Variants in ZNF143 observed in about 807,000 individuals in gnomAD.
ZNF143 encodes the protein SPH-binding factor.
A neutral mutation model predicts 74.1 loss-of-function variants in ZNF143; 49 were observed. That is an observed-to-expected ratio of 0.66 (90% confidence interval 0.53 to 0.84). The LOEUF (loss-of-function observed/expected upper bound fraction) is 0.84, where lower values mean the gene tolerates loss of function less well. ZNF143 is among the 40% of genes least tolerant of loss of function. The pLI is 0.00. For synonymous variants in ZNF143, 304 were observed against 282.8 expected (o/e 1.07, Z -0.75); for missense variants, 637 against 793.4 (o/e 0.80, Z 2.37).
At chr11:9,516,858 C>A (rs774196503) in intron 14 of ZNF143, among the ~76,000 whole-genome samples, 8 of 152,138 alleles carry the variant, frequency 5.3e-5, no homozygotes, top group African/African-American at 1.9e-4. Flanking sequence ...AGTCATTAAG[C>A]ATATACAAAC....
Position 9,494,598 on chromosome 11 carries a change from A to G in ZNF143, c.646-48A>G, listed in dbSNP as rs1357174698. 8 of 1,581,160 alleles carry G rather than the reference A, an allele frequency of 5.1e-6. No individual in the cohort carries two copies. The African/African-American group carries it at 1.1e-4, about 21-fold the overall frequency. Reference sequence around the variant, plus strand: ...TGTGCTAAGATTACTGGCATGAGCCACTGTGCCTGGCTTAAGTAATTTAAG... The same window carrying G: ...TGTGCTAAGATTACTGGCATGAGCCGCTGTGCCTGGCTTAAGTAATTTAAG... On this transcript the variant is annotated intron_variant, in intron 7 of 15. Transcript: ENST00000396602.
chr11:9,525,456 G>C (rs762579558), intron 15 of ZNF143, 70 bp downstream of exon 15: 24 of 1,592,254 alleles, frequency 1.5e-5, no homozygotes, highest in Non-Finnish European at 1.7e-5. Flanking sequence ...TGTACACTGT[G>C]CTTCGTGTAT....
At chr11:9,485,877 G>A (rs1369200990) in intron 7 of ZNF143, among the ~76,000 whole-genome samples, 2 of 151,420 alleles carry the variant, frequency 1.3e-5, no homozygotes, top group Non-Finnish European at 2.9e-5. Context: ...TACAGTAAAT[G>A]GGATTATAAG....
chr11:9,462,558 G>C (rs1212792497), intron 1 of ZNF143, among the ~76,000 whole-genome samples: 4 of 145,458 alleles, frequency 2.7e-5, no homozygotes, highest in Non-Finnish European at 6.0e-5. Flanking sequence ...GACCGGTCTC[G>C]AAAAAAAAAA....
rs77022684 is a variant in ZNF143 at position 9,479,721 on chromosome 11, T to C, written c.645+175T>C. 0.021 allele frequency among the ~76,000 whole-genome samples: 3,258 copies of C among 152,204 alleles called. 135 individuals carry two copies. Among genetic ancestry groups the C allele is most frequent in the African/African-American group, 0.074 (3,078 of 41,530 alleles). ...AAACTGCCTGAGGTCCCAGTGTTCATTGGTGGATGCAAAATGATGCTAAAG... is the reference window on the plus strand; with the variant it reads ...AAACTGCCTGAGGTCCCAGTGTTCACTGGTGGATGCAAAATGATGCTAAAG... On this transcript the variant is annotated intron_variant, in intron 7 of 15. Coordinates refer to ENST00000396602, the MANE Select transcript of ZNF143 (RefSeq NM_003442.6).
intron 1 of ZNF143, among the ~76,000 whole-genome samples, chr11:9,470,691 G>A (rs1403829377): frequency 6.6e-6 from 1 of 152,186 alleles, no homozygotes; most frequent in African/African-American, 2.4e-5. Context: ...ATCAGTGTAA[G>A]GATTTGGGGA....
chr11:9,467,758 TGCTTG>T (rs1856328796), intron 1 of ZNF143, among the ~76,000 whole-genome samples: 1 of 149,398 alleles, frequency 6.7e-6, no homozygotes, highest in East Asian at 2.0e-4. Flanking sequence ...GAGACAGAAC[TGCTTG>T]AACTTGGGAG....
Position 9,508,612 on chromosome 11 carries a change from T to G in ZNF143, c.1148-7T>G, listed in dbSNP as rs1237602605. On this transcript the variant is annotated splice_polypyrimidine_tract_variant and splice_region_variant and intron_variant, in intron 11 of 15. Transcript: ENST00000396602. The stretch of plus-strand genomic sequence containing the variant: ...AAGTTGAACTTTTTTTTGGTGTTGC[T>G]CTTTAGGAGAAAAGCCATATGTTTG... 1 of 1,606,918 alleles carries G rather than the reference T, an allele frequency of 6.2e-7. No homozygotes were observed. The highest frequency in any genetic ancestry group is 1.3e-5 in the African/African-American group (1 of 74,878).
At chr11:9,474,307 T>C (rs1458287410) in intron 4 of ZNF143, among the ~76,000 whole-genome samples, 2 of 152,216 alleles carry the variant, frequency 1.3e-5, no homozygotes, top group Non-Finnish European at 2.9e-5. Context: ...TTTTCTTCAT[T>C]TTTCCCCTTC....
At chr11:9,507,851 G>C (rs1440892366) in intron 11 of ZNF143, among the ~76,000 whole-genome samples, 1 of 152,190 alleles carries the variant, frequency 6.6e-6, no homozygotes, top group Non-Finnish European at 1.5e-5. Flanking sequence ...AATAATCCTG[G>C]TCGGGAAGAA....
rs916000553 is a variant in ZNF143 at position 9,524,489 on chromosome 11, A to G, written c.1687-751A>G. 7.2e-5 allele frequency among the ~76,000 whole-genome samples: 11 copies of G among 152,238 alleles called. 1 individual carries two copies. Among genetic ancestry groups the G allele is most frequent in the East Asian group, 5.8e-4 (3 of 5,206 alleles). ...CAAGCTAAATATCTATTAGCTTAAA[A>G]TGTAGCATTTTTAGTGGATGAATAG... On this transcript the variant is annotated intron_variant, in intron 14 of 15. Transcript: ENST00000396602.
chr11:9,495,816 G>T (rs1178587892), intron 8 of ZNF143, among the ~76,000 whole-genome samples: 1 of 152,220 alleles, frequency 6.6e-6, no homozygotes, highest in Admixed American at 6.5e-5. Context: ...TTACTCATTT[G>T]TCATGGCAAC....
chr11:9,514,313 A>G lies in ZNF143; in HGVS notation c.1524+1717A>G, dbSNP rs1004567513. Among the ~76,000 whole-genome samples, 5 of 152,270 alleles carry G rather than the reference A, an allele frequency of 3.3e-5. No homozygotes were observed. In the South Asian group the frequency reaches 6.2e-4, roughly 19 times the overall value. ...CAAAACAACTATCTTTCCCATCCCAATGTTGTACTTTCTCTACACTTAACC... is the reference window on the plus strand; with the variant it reads ...CAAAACAACTATCTTTCCCATCCCAGTGTTGTACTTTCTCTACACTTAACC... On this transcript the variant is annotated intron_variant, in intron 13 of 15. Transcript: ENST00000396602.
intron 13 of ZNF143, among the ~76,000 whole-genome samples, chr11:9,514,616 A>C (rs183200356): frequency 1.3e-5 from 2 of 152,252 alleles, no homozygotes; most frequent in African/African-American, 4.8e-5. Flanking sequence ...GCAGATCCTA[A>C]TAAGAGAATG....
intron 15 of ZNF143, 89 bp downstream of exon 15, chr11:9,525,475 C>T (rs545381050): frequency 1.7e-4 from 260 of 1,535,020 alleles, no homozygotes; most frequent in Middle Eastern, 1.2e-3. Flanking sequence ...ATAACCTTTA[C>T]AGGAGGCAAG....
At chr11:9,510,849 G>A (rs1848516095) in intron 12 of ZNF143, among the ~76,000 whole-genome samples, 1 of 152,030 alleles carries the variant, frequency 6.6e-6, no homozygotes, top group African/African-American at 2.4e-5. Flanking sequence ...TGAAATTGCT[G>A]TTTACTTACT....
chr11:9,478,640 A>T, intron 6 of ZNF143, 54 bp downstream of exon 6: 1 of 1,551,544 alleles, frequency 6.4e-7, no homozygotes, highest in South Asian at 1.2e-5. Context: ...TTTATTTTTC[A>T]TGAAAAGAAA....
chr11:9,516,444 G>T, intron 14 of ZNF143, 82 bp downstream of exon 14: 1 of 1,301,584 alleles, frequency 7.7e-7, no homozygotes, highest in Non-Finnish European at 1.0e-6. Context: ...TGGTACAACA[G>T]TTAAGCACAC....
intron 11 of ZNF143, among the ~76,000 whole-genome samples, chr11:9,506,124 A>G (rs1052039288): frequency 6.6e-6 from 1 of 151,808 alleles, no homozygotes; most frequent in African/African-American, 2.4e-5. Context: ...TGAGGTCAGG[A>G]GTTCAAAACC....
Sources: allele counts gnomAD v4.1 joint callset (sites outside exome capture counted in the v4.1 genomes callset), GRCh38; gene constraint gnomAD v4.1.1; transcripts MANE v1.5; gene names NCBI Gene and HGNC (gene_info 2026-07-23, HGNC 2026-07-21).